Variants in RAB11FIP4 observed in about 807,000 individuals in gnomAD.
RAB11FIP4 encodes rab11 family-interacting protein 4.
RAB11FIP4 carries 23 observed loss-of-function variants against 74.3 expected under a neutral mutation model. The observed-to-expected ratio is 0.31, with a 90% CI of 0.22 to 0.44. RAB11FIP4 has a LOEUF of 0.44. RAB11FIP4 is among the 20% of genes least tolerant of loss of function. RAB11FIP4 has a pLI of 1.00. For synonymous variants in RAB11FIP4, 360 were observed against 359.9 expected (o/e 1.00, Z 0.00); for missense variants, 630 against 863.9 (o/e 0.73, Z 3.39).
At chr17:31,399,123 C>T (rs2070960246) in intron 1 of RAB11FIP4, among the ~76,000 whole-genome samples, 1 of 152,128 alleles carries the variant, frequency 6.6e-6, no homozygotes, top group South Asian at 2.1e-4. Context: ...CCTGTTGCAG[C>T]ACCCCTTTGG....
At chr17:31,469,832 T>C (rs529814526) in intron 3 of RAB11FIP4, among the ~76,000 whole-genome samples, 1 of 152,352 alleles carries the variant, frequency 6.6e-6, no homozygotes, top group South Asian at 2.1e-4. Flanking sequence ...ACTAAACCGT[T>C]TGGCGGTCCA....
chr17:31,437,209 G>A (rs1030010979), intron 3 of RAB11FIP4, among the ~76,000 whole-genome samples: 2 of 152,156 alleles, frequency 1.3e-5, no homozygotes, highest in African/African-American at 4.8e-5. Flanking sequence ...GGTTGACCTG[G>A]ACTCCATTCC....
intron 3 of RAB11FIP4, among the ~76,000 whole-genome samples, chr17:31,451,643 G>A (rs1175513287): frequency 6.6e-6 from 1 of 152,054 alleles, no homozygotes; most frequent in African/African-American, 2.4e-5. Context: ...ACCCTGACCT[G>A]TTTTCTGTTC....
At chr17:31,521,747 A>C (rs2072669421) in intron 5 of RAB11FIP4, 168 bp from the exon 6 acceptor site, 1 of 731,582 alleles carries the variant, frequency 1.4e-6, no homozygotes, top group Non-Finnish European at 2.2e-6. Flanking sequence ...CTTCTCTTTG[A>C]GCGTGTTGGA....
intron 1 of RAB11FIP4, among the ~76,000 whole-genome samples, chr17:31,412,127 A>G (rs1291342436): frequency 6.6e-6 from 1 of 152,206 alleles, no homozygotes; most frequent in Non-Finnish European, 1.5e-5. Context: ...AGCTGAACCC[A>G]CGAGCTGCAG....
At chr17:31,458,677 G>A (rs979022369) in intron 3 of RAB11FIP4, among the ~76,000 whole-genome samples, 4 of 152,160 alleles carry the variant, frequency 2.6e-5, no homozygotes, top group Non-Finnish European at 5.9e-5. Flanking sequence ...TGCACCTCTG[G>A]GCCTCCCAGC....
In RAB11FIP4 at chr17:31,534,868, G is replaced by A. The variant is rs149571294; in HGVS notation, c.*3136G>A. ...TTACATGGCCCTGAGCTGCCCTTGC[G>A]TTCAGTTGGAAGCCACGCAAAATGA... On this transcript the variant is annotated 3_prime_UTR_variant, in exon 15 of 15. Coordinates refer to ENST00000621161, the MANE Select transcript of RAB11FIP4 (RefSeq NM_032932.6). 18 of 154,464 alleles carry A rather than the reference G, an allele frequency of 1.2e-4. 1 individual carries two copies. The East Asian group carries it at 2.7e-3, about 23-fold the overall frequency. 9.6% of individuals were successfully genotyped at this position (154,464 alleles called of 1,614,324 possible).
intron 3 of RAB11FIP4, among the ~76,000 whole-genome samples, chr17:31,517,203 C>CGGG (rs2072572338): frequency 1.2e-4 from 1 of 8,236 alleles, no homozygotes; most frequent in Non-Finnish European, 2.4e-4. Context: ...GGGGGGGGGG[C>CGGG]GGTGGGGGGG....
intron 1 of RAB11FIP4, among the ~76,000 whole-genome samples, chr17:31,397,410 C>G (rs1036944326): frequency 1.3e-5 from 2 of 152,176 alleles, no homozygotes; most frequent in Non-Finnish European, 2.9e-5. Context: ...GGAAGGCCGG[C>G]AAAGTCCCAA....
At position 31,512,083 on chromosome 17, in the gene RAB11FIP4, C is replaced by G. The variant is rs1355382294; in HGVS notation, c.337-5568C>G. On this transcript the variant is annotated intron_variant, in intron 3 of 14. Coordinates refer to ENST00000621161, the MANE Select transcript of RAB11FIP4 (RefSeq NM_032932.6). The surrounding 1 kb of genome is among the most constrained non-coding windows in gnomAD (Gnocchi z 4.1). ...GGCCTCAGGTAATTCCTCAGCTTGG[C>G]TTCTCTGAGGAGGGTGGGCGTCCCT... Among the ~76,000 whole-genome samples, 1 of 152,206 alleles carries G rather than the reference C, an allele frequency of 6.6e-6. No individual in the cohort carries two copies. Among genetic ancestry groups the G allele is most frequent in the African/African-American group, 2.4e-5 (1 of 41,454 alleles).
At chr17:31,425,925 C>T (rs769958861) in intron 1 of RAB11FIP4, among the ~76,000 whole-genome samples, 20 of 152,208 alleles carry the variant, frequency 1.3e-4, no homozygotes, top group Non-Finnish European at 2.2e-4. Context: ...ATTTGCTATG[C>T]TCCCTGCGTG....
intron 7 of RAB11FIP4, chr17:31,522,755 G>T (rs2072692411): frequency 6.3e-6 from 2 of 316,276 alleles, no homozygotes; most frequent in Non-Finnish European, 1.2e-5. Flanking sequence ...GTTTCCTGCA[G>T]GCGGGGATCT....
At chr17:31,516,352 C>T (rs756575892) in intron 3 of RAB11FIP4, among the ~76,000 whole-genome samples, 1 of 152,034 alleles carries the variant, frequency 6.6e-6, no homozygotes, top group Non-Finnish European at 1.5e-5. Flanking sequence ...TTGGCTTCCT[C>T]TGACAGACTT....
intron 3 of RAB11FIP4, among the ~76,000 whole-genome samples, chr17:31,509,859 G>T (rs1247181301): frequency 6.6e-6 from 1 of 152,130 alleles, no homozygotes; most frequent in African/African-American, 2.4e-5. Context: ...AGAAGGCAAG[G>T]CCGAGGCACT....
chr17:31,524,105 G>T, intron 9 of RAB11FIP4, 109 bp downstream of exon 9: 1 of 760,924 alleles, frequency 1.3e-6, no homozygotes. Flanking sequence ...TTGCAGCTCT[G>T]AGGGTCTGTG....
intron 1 of RAB11FIP4, among the ~76,000 whole-genome samples, chr17:31,404,442 T>C (rs1301417751): frequency 6.6e-6 from 1 of 152,262 alleles, no homozygotes; most frequent in Non-Finnish European, 1.5e-5. Context: ...GACCCAGCTC[T>C]GCAACTTACT....
intron 1 of RAB11FIP4, among the ~76,000 whole-genome samples, chr17:31,407,811 C>T (rs2071057014): frequency 6.6e-6 from 1 of 152,170 alleles, no homozygotes; most frequent in Non-Finnish European, 1.5e-5. Context: ...ATCTATTCAA[C>T]ATAATGGTAC....
intron 3 of RAB11FIP4, among the ~76,000 whole-genome samples, chr17:31,506,911 T>C (rs1240637346): frequency 6.6e-6 from 1 of 152,200 alleles, no homozygotes; most frequent in African/African-American, 2.4e-5. Context: ...AGTAGATGAA[T>C]TGTTGGATCA....
intron 3 of RAB11FIP4, among the ~76,000 whole-genome samples, chr17:31,453,657 T>A (rs1159252672): frequency 1.3e-5 from 2 of 151,510 alleles, no homozygotes; most frequent in Non-Finnish European, 2.9e-5. Flanking sequence ...AAATGCTGTC[T>A]CTGCTAAAAA....
Sources: gnomAD v4.1 joint callset for allele counts (sites outside exome capture counted in the v4.1 genomes callset) on GRCh38, gnomAD v4.1.1 for gene constraint, Gnocchi (gnomAD v3.1) non-coding constraint, MANE v1.5 for transcripts, NCBI Gene and HGNC (gene_info 2026-07-23, HGNC 2026-07-21) for gene names.